ATP6V1D: variants seen among roughly 807,000 people sequenced by gnomAD.
The protein encoded by ATP6V1D is ATPase H+ transporting V1 subunit D, also known as V-type proton ATPase subunit D.
In ATP6V1D, 20 loss-of-function variants were observed where a neutral mutation model predicts 39.4. That is an observed-to-expected ratio of 0.51 (90% CI 0.36 to 0.74). The LOEUF is 0.74. ATP6V1D is among the 30% of genes least tolerant of loss of function. The pLI is 0.00. For synonymous variants in ATP6V1D, 100 were observed against 100.5 expected (o/e 0.99, Z 0.03); for missense variants, 228 against 291.6 (o/e 0.78, Z 1.59).
intron 6 of ATP6V1D, among the ~76,000 whole-genome samples, chr14:67,345,511 C>T (rs891349255): frequency 3.3e-5 from 5 of 150,182 alleles, no homozygotes; most frequent in East Asian, 3.9e-4. Context: ...GCCGAGGTCG[C>T]GCCATTGCAC....
chr14:67,350,799 T>C (rs2085650406), intron 2 of ATP6V1D, 109 bp from the exon 3 acceptor site: 2 of 1,042,610 alleles, frequency 1.9e-6, no homozygotes, highest in Non-Finnish European at 2.8e-6. Flanking sequence ...TGGCTGTGCA[T>C]GTAAATATTG....
In ATP6V1D at chr14:67,340,527, A is replaced by C; in HGVS notation, c.524-9T>G. The C allele has an allele frequency of 7.7e-7, 1 of 1,290,574 alleles. No individual in the cohort carries two copies. The highest frequency in any genetic ancestry group is 3.2e-5 in the East Asian group (1 of 31,134). 79.9% of individuals were successfully genotyped at this position (1,290,574 alleles called of 1,614,324 possible). A position where few individuals can be genotyped will look rare whatever the true frequency, so the allele number is the denominator to read the frequency against. ...AATCCGGGGAATGATGACTAGAATA[A>C]AAAAAAAAATAATATGTGTGAGAAC... On this transcript the variant is annotated splice_polypyrimidine_tract_variant and intron_variant, in intron 7 of 8. Coordinates refer to ENST00000216442, the MANE Select transcript of ATP6V1D (RefSeq NM_015994.4).
chr14:67,348,397 G>A (rs948375311), intron 4 of ATP6V1D, among the ~76,000 whole-genome samples: 1 of 151,910 alleles, frequency 6.6e-6, no homozygotes, highest in Non-Finnish European at 1.5e-5. Flanking sequence ...GGTAAAGATG[G>A]GGTTTCACCA....
chr14:67,347,098 C>T (rs1018712192), intron 5 of ATP6V1D, among the ~76,000 whole-genome samples: 38 of 152,194 alleles, frequency 2.5e-4, no homozygotes, highest in African/African-American at 9.2e-4. Context: ...ATCCTCCCTC[C>T]TCAGCCCTGG....
chr14:67,356,145 T>G (rs761165383), intron 1 of ATP6V1D, among the ~76,000 whole-genome samples: 17 of 151,976 alleles, frequency 1.1e-4, no homozygotes, highest in Non-Finnish European at 1.9e-4. Flanking sequence ...TTTGGCCAGG[T>G]GCAGTGGCTC....
Position 67,349,023 on chromosome 14 carries a change from G to C in ATP6V1D, c.307+14C>G, listed in dbSNP as rs2085640512. On this transcript the variant is annotated intron_variant, in intron 4 of 8. Transcript: ENST00000216442. The stretch of plus-strand genomic sequence containing the variant: ...TTTTCTCCCCAAAGGGTTTCTAAAA[G>C]GTTGAAACGTTACCTGCTACATTAT... The C allele has an allele frequency of 6.2e-7, 1 of 1,611,920 alleles. No individual in the cohort carries two copies.
At chr14:67,339,819 C>T (rs1468470231) in intron 8 of ATP6V1D, among the ~76,000 whole-genome samples, 5 of 152,048 alleles carry the variant, frequency 3.3e-5, no homozygotes, top group African/African-American at 1.2e-4. Context: ...TAATCAAGGG[C>T]CAGGCACGGT....
chr14:67,340,340 T>C, intron 8 of ATP6V1D, 100 bp downstream of exon 8: 1 of 962,902 alleles, frequency 1.0e-6, no homozygotes, highest in Non-Finnish European at 1.7e-6. Flanking sequence ...ACATAAGCTG[T>C]GCTAATTCTA....
Position 67,359,689 on chromosome 14 carries a change from T to C in ATP6V1D, c.10A>G (p.Lys4Glu), listed in dbSNP as rs1363034517. Reference protein sequence around the residue: MSGKDRIEIFPSRM... With the variant: MSGEDRIEIFPSRM... ...GAGGGAAAGATTTCAATTCGGTCTT[T>C]GCCCGACATTCTGACGATAACTTTT... The change falls in exon 1 of 9, where the codon AAA becomes GAA. Residue 4 changes from lysine to glutamate, a missense_variant. Physicochemically the swap from Lys to Glu is moderately conservative, Grantham distance 56 (BLOSUM62 1). Transcript: ENST00000216442. 2 of 1,614,016 alleles carry C rather than the reference T, an allele frequency of 1.2e-6. No individual in the cohort carries two copies. Among genetic ancestry groups the C allele is most frequent in the Admixed American group, 3.3e-5 (2 of 60,014 alleles).
chr14:67,350,086 G>A (rs897655813), intron 3 of ATP6V1D, among the ~76,000 whole-genome samples: 3 of 152,140 alleles, frequency 2.0e-5, no homozygotes, highest in African/African-American at 4.8e-5. Flanking sequence ...ATGTAAATTG[G>A]CATAACACAT....
chr14:67,359,557 C>T (rs2085713441), intron 1 of ATP6V1D, 101 bp downstream of exon 1: 16 of 1,347,994 alleles, frequency 1.2e-5, no homozygotes, highest in Non-Finnish European at 1.6e-5. Flanking sequence ...GCTCAGGATC[C>T]TCCCAGGAAA....
At chr14:67,352,840 A>C (rs976627998) in intron 2 of ATP6V1D, 83 bp downstream of exon 2, 1 of 798,992 alleles carries the variant, frequency 1.3e-6, no homozygotes, top group African/African-American at 3.6e-5. Flanking sequence ...ATTAATTAAA[A>C]TAACAACAAC....
At chr14:67,341,511 TG>T (rs1249278672) in intron 7 of ATP6V1D, among the ~76,000 whole-genome samples, 45 of 123,854 alleles carry the variant, frequency 3.6e-4, no homozygotes, top group African/African-American at 1.2e-3. Context: ...GGGAGGGAGG[TG>T]GGGGGGGTCA....
chr14:67,338,898 C>A, intron 8 of ATP6V1D, 136 bp from the exon 9 acceptor site: 4 of 653,516 alleles, frequency 6.1e-6, no homozygotes, highest in Non-Finnish European at 4.6e-6. Context: ...ATTTCATTTT[C>A]AGTAATTTAT....
chr14:67,348,675 C>T (rs1180688797), intron 4 of ATP6V1D, among the ~76,000 whole-genome samples: 1 of 150,398 alleles, frequency 6.6e-6, no homozygotes, highest in Non-Finnish European at 1.5e-5. Flanking sequence ...GCGCGTGCCA[C>T]CAAACCTGGC....
intron 7 of ATP6V1D, 76 bp from the exon 8 acceptor site, chr14:67,340,594 A>G (rs1458949559): frequency 8.1e-7 from 1 of 1,229,390 alleles, no homozygotes; most frequent in African/African-American, 1.5e-5. Context: ...CATTTGTATA[A>G]CAGTTATTTT....
chr14:67,357,738 G>C (rs1250497910), intron 1 of ATP6V1D, among the ~76,000 whole-genome samples: 1 of 152,214 alleles, frequency 6.6e-6, no homozygotes, highest in Non-Finnish European at 1.5e-5. Context: ...TTTTAAAAAA[G>C]AGAGTAAGGG....
rs1249757040 is a variant in ATP6V1D, at chr14:67,345,752, G to C, written c.456+16C>G. On this transcript the variant is annotated intron_variant, in intron 6 of 8. Transcript: ENST00000216442. The stretch of plus-strand genomic sequence containing the variant: ...AAATCAAACTACAGGAGTTCTCCAG[G>C]TCTTTTGCTACTTACCTGCAGAGAA... 1 of 1,570,444 alleles carries C rather than the reference G, an allele frequency of 6.4e-7. No individual in the cohort carries two copies. The highest frequency in any genetic ancestry group is 8.8e-7 in the Non-Finnish European group (1 of 1,140,688).
intron 7 of ATP6V1D, 107 bp from the exon 8 acceptor site, chr14:67,340,625 G>A (rs1310309170): frequency 4.2e-6 from 4 of 944,450 alleles, no homozygotes; most frequent in Non-Finnish European, 4.9e-6. Flanking sequence ...TAAAATTAAT[G>A]TGCATTTAAT....
Sources: gnomAD v4.1 joint callset for allele counts (sites outside exome capture counted in the v4.1 genomes callset) on GRCh38, gnomAD v4.1.1 for gene constraint, MANE v1.5 for transcripts, NCBI Gene and HGNC (gene_info 2026-07-23, HGNC 2026-07-21) for gene names.